Variants in SLC38A6 observed in about 807,000 individuals in gnomAD.
SLC38A6 encodes solute carrier family 38 member 6, also known as N system amino acid transporter NAT-1.
Under a neutral mutation model 65.0 loss-of-function variants are expected in SLC38A6, and 73 were observed. That is an observed-to-expected ratio of 1.12 (90% CI 0.93 to 1.37). SLC38A6 has a LOEUF of 1.37. Ranked by LOEUF, SLC38A6 falls within the 40% of genes most tolerant of loss-of-function variation. The pLI is 0.00. For missense variants in SLC38A6, 561 were observed against 531.1 expected (o/e 1.06, Z -0.55); for synonymous variants, 183 against 178.8 (o/e 1.02, Z -0.19).
At chr14:61,011,392 C>G (rs936007472) in intron 3 of SLC38A6, among the ~76,000 whole-genome samples, 1 of 151,978 alleles carries the variant, frequency 6.6e-6, no homozygotes, top group African/African-American at 2.4e-5. Flanking sequence ...TGCCTGATTG[C>G]CCTGGCCAGA....
At chr14:61,034,408 C>A (rs996075240) in intron 6 of SLC38A6, 8 of 151,996 alleles carry the variant, frequency 5.3e-5, no homozygotes, top group African/African-American at 1.9e-4. Flanking sequence ...TCTGCACTCT[C>A]AACAGATTTT....
At chr14:61,019,001 A>G (rs960018467) in intron 4 of SLC38A6, among the ~76,000 whole-genome samples, 4 of 152,130 alleles carry the variant, frequency 2.6e-5, no homozygotes, top group Admixed American at 2.0e-4. Flanking sequence ...AATTCACATT[A>G]TTGAGTTTGG....
chr14:61,004,216 AGGT>A (rs2038916049), intron 3 of SLC38A6, among the ~76,000 whole-genome samples: 1 of 152,186 alleles, frequency 6.6e-6, no homozygotes, highest in Non-Finnish European at 1.5e-5. Context: ...TTCACAGCGA[AGGT>A]ATTTGCTTGC....
chr14:60,990,502 T>C (rs1386222194), intron 3 of SLC38A6, among the ~76,000 whole-genome samples: 1 of 152,222 alleles, frequency 6.6e-6, no homozygotes, highest in Admixed American at 6.5e-5. Context: ...CACTTTCTAC[T>C]GTTCCCATCT....
At chr14:61,068,905 G>T (rs951832369) in intron 15 of SLC38A6, among the ~76,000 whole-genome samples, 1 of 152,132 alleles carries the variant, frequency 6.6e-6, no homozygotes. Flanking sequence ...CCTCTAATCT[G>T]TCACAATGTC....
intron 3 of SLC38A6, among the ~76,000 whole-genome samples, chr14:60,986,238 G>A (rs1435233896): frequency 6.6e-6 from 1 of 152,230 alleles, no homozygotes; most frequent in Non-Finnish European, 1.5e-5. Flanking sequence ...TCCATCATCA[G>A]AAATACTCAT....
intron 8 of SLC38A6, among the ~76,000 whole-genome samples, chr14:61,041,699 G>C (rs1001412633): frequency 1.3e-5 from 2 of 152,182 alleles, no homozygotes; most frequent in Admixed American, 1.3e-4. Context: ...AGGAGTTTGA[G>C]ACCAGCCTGG....
chr14:60,995,115 T>A (rs1341222878), intron 3 of SLC38A6, among the ~76,000 whole-genome samples: 3 of 151,960 alleles, frequency 2.0e-5, no homozygotes, highest in Admixed American at 6.6e-5. Context: ...GATCCAGCAA[T>A]TCCTCTTCTG....
chr14:60,996,420 C>G (rs2038297419), intron 3 of SLC38A6, among the ~76,000 whole-genome samples: 1 of 152,040 alleles, frequency 6.6e-6, no homozygotes, highest in African/African-American at 2.4e-5. Context: ...GGGAGAGTTA[C>G]AGAAGTTTCC....
chr14:61,023,704 T>C (rs2040466202), intron 5 of SLC38A6, among the ~76,000 whole-genome samples: 1 of 151,936 alleles, frequency 6.6e-6, no homozygotes, highest in Non-Finnish European at 1.5e-5. Context: ...AACATTTAAA[T>C]ACTTCTCAGT....
At chr14:60,990,969 C>T (rs1335994023) in intron 3 of SLC38A6, among the ~76,000 whole-genome samples, 1 of 152,210 alleles carries the variant, frequency 6.6e-6, no homozygotes, top group Non-Finnish European at 1.5e-5. Context: ...AGGCATGAGC[C>T]ATCGTGCCTG....
intron 15 of SLC38A6, among the ~76,000 whole-genome samples, chr14:61,070,615 A>G (rs1315742112): frequency 3.3e-5 from 5 of 152,148 alleles, no homozygotes; most frequent in Admixed American, 2.0e-4. Flanking sequence ...TCTATTTTAA[A>G]TTTTTTGAAG....
chr14:61,035,883 C>A (rs562548005), intron 6 of SLC38A6, among the ~76,000 whole-genome samples: 2 of 152,136 alleles, frequency 1.3e-5, no homozygotes, highest in Admixed American at 1.3e-4. Context: ...ATAAAAATAT[C>A]TACTTTTTGG....
intron 12 of SLC38A6, among the ~76,000 whole-genome samples, chr14:61,047,990 C>G (rs866869940): frequency 0.021 from 2,651 of 128,270 alleles, 34 homozygotes; most frequent in Non-Finnish European, 0.031. Context: ...TACATACATA[C>G]ATACATACAT....
chr14:61,031,782 A>G (rs1435462634), intron 6 of SLC38A6, among the ~76,000 whole-genome samples: 1 of 151,836 alleles, frequency 6.6e-6, no homozygotes, highest in Non-Finnish European at 1.5e-5. Context: ...TATGTGAGAA[A>G]TTTATATTTT....
chr14:61,020,211 G>A (rs1439023483), intron 5 of SLC38A6, among the ~76,000 whole-genome samples: 1 of 152,024 alleles, frequency 6.6e-6, no homozygotes, highest in African/African-American at 2.4e-5. Context: ...TCCAAAATAT[G>A]GGTATCATGT....
At chr14:61,008,943 T>C (rs2039348367) in intron 3 of SLC38A6, among the ~76,000 whole-genome samples, 1 of 152,116 alleles carries the variant, frequency 6.6e-6, no homozygotes, top group African/African-American at 2.4e-5. Flanking sequence ...TAGTAAGAAG[T>C]AGGGATGTTC....
intron 3 of SLC38A6, among the ~76,000 whole-genome samples, chr14:61,000,345 C>T (rs1247341059): frequency 6.6e-6 from 1 of 152,210 alleles, no homozygotes; most frequent in Admixed American, 6.5e-5. Flanking sequence ...TTTAAAAATT[C>T]TTGGGCAGGC....
At chr14:61,030,263 CTGTGTGTGTGTGTGTGTG>C (rs3080609) in intron 5 of SLC38A6, among the ~76,000 whole-genome samples, 164 bp from the exon 6 acceptor site, 5 of 148,844 alleles carry the variant, frequency 3.4e-5, no homozygotes, top group Admixed American at 1.3e-4. Context: ...AGTTACTTTT[CTGTGTGTGTGTGTGTGTG>C]TGTGTGTGTG....
Sources: gnomAD v4.1 joint callset for allele counts (sites outside exome capture counted in the v4.1 genomes callset) on GRCh38, gnomAD v4.1.1 for gene constraint, MANE v1.5 for transcripts, NCBI Gene and HGNC (gene_info 2026-07-23, HGNC 2026-07-21) for gene names.